RBFOX1: variants seen among roughly 807,000 people sequenced by gnomAD.
The protein encoded by RBFOX1 is RNA binding protein fox-1 homolog 1.
RBFOX1 carries 8 observed loss-of-function variants against 57.7 expected under a neutral mutation model. The observed-to-expected ratio is 0.14, with a 90% CI of 0.08 to 0.25. RBFOX1 has a LOEUF of 0.25. RBFOX1 is among the 10% of genes least tolerant of loss of function. RBFOX1 has a pLI of 1.00. For synonymous variants in RBFOX1, 326 were observed against 222.4 expected, an observed-to-expected ratio of 1.47 and a Z score of -4.15; for missense variants, 611 against 548.5, an observed-to-expected ratio of 1.11 and a Z score of -1.14.
intron 3 of RBFOX1, among the ~76,000 whole-genome samples, chr16:5,850,649 G>C (rs7206854): frequency 0.71 from 107,499 of 152,130 alleles, 39,527 homozygotes; most frequent in East Asian, 0.98. Context: ...CCTAAAGACT[G>C]CATGTGATCC....
intron 4 of RBFOX1, among the ~76,000 whole-genome samples, chr16:7,417,549 T>TGTGTGTGA (rs2098495082): frequency 6.6e-6 from 1 of 151,912 alleles, no homozygotes; most frequent in African/African-American, 2.4e-5. Flanking sequence ...TGTGTGTGTG[T>TGTGTGTGA]GTGTGTGTGT....
chr16:7,095,150 T>G (rs2061492097), intron 4 of RBFOX1, among the ~76,000 whole-genome samples: 1 of 152,180 alleles, frequency 6.6e-6, no homozygotes, highest in Non-Finnish European at 1.5e-5. Flanking sequence ...CCCACTCTGT[T>G]GCCCAGGCTG....
chr16:6,132,984 G>GAAAAGA (rs1555519968), intron 1 of RBFOX1, among the ~76,000 whole-genome samples: 19 of 147,860 alleles, frequency 1.3e-4, no homozygotes, highest in African/African-American at 4.5e-4. Flanking sequence ...AAAAAGAAAA[G>GAAAAGA]AAAAAAAAGA....
At chr16:7,237,195 C>T (rs775854963) in intron 4 of RBFOX1, among the ~76,000 whole-genome samples, 22 of 152,166 alleles carry the variant, frequency 1.4e-4, no homozygotes, top group Non-Finnish European at 2.8e-4. Flanking sequence ...AAATAACTTC[C>T]CTTGCCTGGC....
chr16:6,256,645 G>C (rs1172494997), intron 1 of RBFOX1, among the ~76,000 whole-genome samples: 1 of 152,108 alleles, frequency 6.6e-6, no homozygotes, highest in Non-Finnish European at 1.5e-5. Flanking sequence ...TGACACTTTA[G>C]CCAGAACACT....
At chr16:7,457,169 G>A (rs1236899661) in intron 4 of RBFOX1, among the ~76,000 whole-genome samples, 2 of 152,124 alleles carry the variant, frequency 1.3e-5, no homozygotes, top group African/African-American at 2.4e-5. Context: ...TTACAGGTGT[G>A]AGCCACCGCG....
At position 6,268,350 on chromosome 16, in the gene RBFOX1, G is replaced by A. The variant is rs565308794; in HGVS notation, c.-126-48645G>A. Among the ~76,000 whole-genome samples the A allele has an allele frequency of 5.3e-5, 8 of 152,218 alleles. No individual in the cohort carries two copies. In the South Asian group the frequency reaches 1.5e-3, roughly 28 times the overall value. On this transcript the variant is annotated intron_variant, in intron 1 of 15. Coordinates refer to ENST00000550418, the MANE Select transcript of RBFOX1 (RefSeq NM_018723.4). ...CTCTGCTCCCATCACCCTAATCATC[G>A]CCTTCCAGGACAGTGCTCAGACCCT...
chr16:7,442,305 C>G (rs959409295), intron 4 of RBFOX1, among the ~76,000 whole-genome samples: 1 of 152,174 alleles, frequency 6.6e-6, no homozygotes, highest in African/African-American at 2.4e-5. Context: ...TCTGCCTTCT[C>G]CAGCAGCAGT....
At chr16:7,263,615 A>T (rs749820640) in intron 4 of RBFOX1, among the ~76,000 whole-genome samples, 4 of 152,006 alleles carry the variant, frequency 2.6e-5, no homozygotes, top group African/African-American at 4.8e-5. Flanking sequence ...AGGTAGAAAG[A>T]GGCTGGGAAC....
At chr16:7,522,203 C>A (rs2077659276) in intron 5 of RBFOX1, among the ~76,000 whole-genome samples, 1 of 152,114 alleles carries the variant, frequency 6.6e-6, no homozygotes, top group Admixed American at 6.5e-5. Flanking sequence ...AGAATCTTGT[C>A]CGAGCTAAAG....
At chr16:5,876,097 C>A (rs1316704874) in intron 4 of RBFOX1, among the ~76,000 whole-genome samples, 1 of 152,130 alleles carries the variant, frequency 6.6e-6, no homozygotes. Flanking sequence ...CCCGCCTTGG[C>A]CTCCCAAAGT....
At chr16:7,273,990 G>C (rs533648362) in intron 4 of RBFOX1, among the ~76,000 whole-genome samples, 1 of 152,232 alleles carries the variant, frequency 6.6e-6, no homozygotes, top group South Asian at 2.1e-4. Flanking sequence ...CCTGAACTGT[G>C]GTTGAAGGAC....
chr16:5,279,431 C>A lies in RBFOX1; in HGVS notation c.219+39326C>A, dbSNP rs1375790012. Among the ~76,000 whole-genome samples, 6 of 152,138 alleles carry A rather than the reference C, an allele frequency of 3.9e-5. No homozygotes were observed. In the South Asian group the frequency reaches 1.2e-3, roughly 32 times the overall value. On this transcript the variant is annotated intron_variant, in intron 1 of 2. Coordinates refer to the RBFOX1 transcript ENST00000585867. ...TTGTTAGTGGTATATAGAAACATTA[C>A]TGATTTTTGTGTGTTGATTTTGTGT...
intron 4 of RBFOX1, among the ~76,000 whole-genome samples, chr16:7,390,040 G>T (rs2097967952): frequency 6.6e-6 from 1 of 152,154 alleles, no homozygotes; most frequent in Non-Finnish European, 1.5e-5. Flanking sequence ...ATGGCAGAAG[G>T]TGAAAACGAA....
At chr16:5,321,060 A>G (rs564821733) in intron 1 of RBFOX1, among the ~76,000 whole-genome samples, 1 of 152,228 alleles carries the variant, frequency 6.6e-6, no homozygotes, top group African/African-American at 2.4e-5. Context: ...TCTCAGGGAA[A>G]CTGTACTGTT....
At chr16:6,765,715 C>G (rs1172499400) in intron 3 of RBFOX1, among the ~76,000 whole-genome samples, 1 of 152,096 alleles carries the variant, frequency 6.6e-6, no homozygotes, top group Non-Finnish European at 1.5e-5. Flanking sequence ...TTCACAATTG[C>G]AAAGATACAG....
chr16:7,571,833 T>C (rs1159643593), intron 5 of RBFOX1, among the ~76,000 whole-genome samples: 1 of 151,898 alleles, frequency 6.6e-6, no homozygotes, highest in Non-Finnish European at 1.5e-5. Flanking sequence ...GCCTGAGAAA[T>C]AAAACAAAAG....
chr16:6,439,794 A>C (rs895828251), intron 2 of RBFOX1, among the ~76,000 whole-genome samples: 1 of 152,046 alleles, frequency 6.6e-6, no homozygotes, highest in Non-Finnish European at 1.5e-5. Context: ...GGCCTTCCAC[A>C]TTACAAACAC....
intron 3 of RBFOX1, among the ~76,000 whole-genome samples, chr16:7,010,895 C>T (rs2093623650): frequency 6.6e-6 from 1 of 152,138 alleles, no homozygotes; most frequent in Non-Finnish European, 1.5e-5. Context: ...TTTTCTTGAG[C>T]AGAAGATAGT....
Sources: gnomAD v4.1 joint callset for allele counts (sites outside exome capture counted in the v4.1 genomes callset) on GRCh38, gnomAD v4.1.1 for gene constraint, MANE v1.5 for transcripts, NCBI Gene and HGNC (gene_info 2026-07-23, HGNC 2026-07-21) for gene names.